The following MAP7 variants were observed in gnomAD, a reference collection of about 807,000 sequenced individuals.
MAP7 encodes the protein ensconsin.
Under a neutral mutation model 94.8 loss-of-function variants are expected in MAP7, and 52 were observed. The observed-to-expected ratio is 0.55, with a 90% CI of 0.44 to 0.69. The LOEUF (loss-of-function observed/expected upper bound fraction) is 0.69, where lower values mean the gene tolerates loss of function less well. Among genes scored for constraint, MAP7 ranks in the 30% least tolerant of loss-of-function variants. The pLI is 0.00. For synonymous variants in MAP7, 350 were observed against 357.0 expected (o/e 0.98, Z 0.22); for missense variants, 940 against 964.6 (o/e 0.97, Z 0.34).
chr6:136,451,162 C>A (rs751303588), intron 1 of MAP7, among the ~76,000 whole-genome samples: 33 of 152,314 alleles, frequency 2.2e-4, no homozygotes, highest in Middle Eastern at 3.4e-3. Flanking sequence ...ATCTGCGCAA[C>A]AAACCTTACC....
intron 16 of MAP7, among the ~76,000 whole-genome samples, chr6:136,351,576 C>T (rs753047244): frequency 1.3e-5 from 2 of 152,196 alleles, no homozygotes; most frequent in Non-Finnish European, 2.9e-5. Flanking sequence ...AAAGGTAAAA[C>T]TAGGGATCCA....
intron 1 of MAP7, among the ~76,000 whole-genome samples, chr6:136,509,432 T>C (rs1193295742): frequency 2.0e-5 from 3 of 152,202 alleles, no homozygotes; most frequent in African/African-American, 7.2e-5. Flanking sequence ...TTAAGTTTTT[T>C]TGTAAAGATG....
chr6:136,508,170 C>A (rs185610063), intron 1 of MAP7, among the ~76,000 whole-genome samples: 1 of 151,744 alleles, frequency 6.6e-6, no homozygotes, highest in African/African-American at 2.4e-5. Flanking sequence ...TGCAAAGACA[C>A]GAAAATTAGC....
At chr6:136,365,594 A>T in intron 10 of MAP7, 141 bp downstream of exon 10, 1 of 827,740 alleles carries the variant, frequency 1.2e-6, no homozygotes, top group Non-Finnish European at 1.8e-6. Flanking sequence ...TATTATACTT[A>T]AGGAAAGGTA....
intron 1 of MAP7, among the ~76,000 whole-genome samples, chr6:136,476,968 C>A (rs1488470662): frequency 6.6e-6 from 1 of 152,168 alleles, no homozygotes; most frequent in African/African-American, 2.4e-5. Flanking sequence ...CACTATTTGG[C>A]AACCAATACA....
chr6:136,390,553 T>G (rs1780409957), intron 3 of MAP7, among the ~76,000 whole-genome samples: 1 of 152,124 alleles, frequency 6.6e-6, no homozygotes, highest in African/African-American at 2.4e-5. Context: ...CTCGGGAGGC[T>G]GAGGTGCAAG....
In MAP7 at chr6:136,479,970, T is replaced by C. The variant is rs139103074; in HGVS notation, c.68-58171A>G. Among the ~76,000 whole-genome samples the C allele has an allele frequency of 3.5e-3, 530 of 152,278 alleles. 8 individuals are homozygous for C. The highest frequency in any genetic ancestry group is 7.3e-3 in the East Asian group (38 of 5,190). ...AATTCCTATCAAAATACCAATGACA[T>C]TCTTCACAGAAATAGAAAAACAATC... On this transcript the variant is annotated intron_variant, in intron 1 of 17. Coordinates refer to ENST00000354570, the MANE Select transcript of MAP7 (RefSeq NM_003980.6).
At chr6:136,501,036 TTATG>T (rs1202772995) in intron 1 of MAP7, among the ~76,000 whole-genome samples, 1 of 152,238 alleles carries the variant, frequency 6.6e-6, no homozygotes, top group Non-Finnish European at 1.5e-5. Context: ...AATGTAAATT[TTATG>T]TTTTACAAAC....
rs1306014866 is a variant in MAP7, at chr6:136,343,488, T to C, written c.*740A>G. The C allele has an allele frequency of 6.6e-6, 1 of 152,640 alleles. No homozygotes were observed. The highest frequency in any genetic ancestry group is 6.5e-5 in the Admixed American group (1 of 15,286). The allele number at this position is 152,640 out of a possible 1,614,324, so 9.5% of individuals were successfully genotyped here. ...AAGGAATGCAGCTAACAAATTAAAT[T>C]TGTAATGTTGTCACATTATTCTAAT... On this transcript the variant is annotated 3_prime_UTR_variant, in exon 18 of 18. Transcript: ENST00000354570.
intron 8 of MAP7, among the ~76,000 whole-genome samples, chr6:136,371,282 C>T (rs1774421638): frequency 6.6e-6 from 1 of 152,170 alleles, no homozygotes; most frequent in South Asian, 2.1e-4. Context: ...ATGGTAAATG[C>T]TCTTTTCCCC....
intron 1 of MAP7, among the ~76,000 whole-genome samples, chr6:136,515,854 A>T (rs1010470802): frequency 1.3e-5 from 2 of 152,218 alleles, no homozygotes; most frequent in Non-Finnish European, 2.9e-5. Context: ...AAGTAGGCAC[A>T]TGCTATTGGA....
At chr6:136,480,191 A>G (rs775058223) in intron 1 of MAP7, among the ~76,000 whole-genome samples, 9 of 152,234 alleles carry the variant, frequency 5.9e-5, no homozygotes, top group Non-Finnish European at 1.3e-4. Context: ...ATGAATCCAT[A>G]CATCTACAGT....
chr6:136,410,254 C>A (rs954434879), intron 3 of MAP7, among the ~76,000 whole-genome samples: 1 of 152,120 alleles, frequency 6.6e-6, no homozygotes, highest in African/African-American at 2.4e-5. Flanking sequence ...AAGTGTGAGA[C>A]CTGATGGGGA....
At chr6:136,500,875 T>C (rs1269706939) in intron 1 of MAP7, among the ~76,000 whole-genome samples, 1 of 152,124 alleles carries the variant, frequency 6.6e-6, no homozygotes, top group African/African-American at 2.4e-5. Flanking sequence ...TGAAGAAAAA[T>C]CTTTTACAGT....
chr6:136,402,487 CCTTCCCA>C (rs1784365077), intron 3 of MAP7, among the ~76,000 whole-genome samples: 2 of 152,176 alleles, frequency 1.3e-5, no homozygotes, highest in Non-Finnish European at 2.9e-5. Context: ...CACAGAGGGT[CCTTCCCA>C]TTTCACCCTG....
In MAP7 at chr6:136,449,355, T is replaced by C. The variant is rs544611455; in HGVS notation, c.68-27556A>G. Among the ~76,000 whole-genome samples, 533 of 152,268 alleles carry C rather than the reference T, an allele frequency of 3.5e-3. 3 individuals carry two copies. Among genetic ancestry groups the C allele is most frequent in the African/African-American group, 0.012 (512 of 41,572 alleles). On this transcript the variant is annotated intron_variant, in intron 1 of 17. Coordinates refer to ENST00000354570, the MANE Select transcript of MAP7 (RefSeq NM_003980.6). ...AAACAAAAATGTAAGGCAATTTAAA[T>C]TTAACAGAGTTTAACTGAGCAAAGA...
chr6:136,417,158 A>C (rs1789757087), intron 2 of MAP7, among the ~76,000 whole-genome samples: 1 of 152,152 alleles, frequency 6.6e-6, no homozygotes, highest in African/African-American at 2.4e-5. Context: ...ATTGTTTCCC[A>C]ATGGATCTAA....
intron 8 of MAP7, among the ~76,000 whole-genome samples, chr6:136,372,271 C>T (rs1015812775): frequency 1.3e-5 from 2 of 152,216 alleles, no homozygotes; most frequent in African/African-American, 4.8e-5. Context: ...CAAAGAACAG[C>T]TTTCATCTTC....
intron 3 of MAP7, among the ~76,000 whole-genome samples, chr6:136,404,141 C>G (rs1009206412): frequency 6.6e-6 from 1 of 152,084 alleles, no homozygotes; most frequent in African/African-American, 2.4e-5. Flanking sequence ...AGTATGAAAT[C>G]AGGGGGAGTT....
Sources: allele counts gnomAD v4.1 joint callset (sites outside exome capture counted in the v4.1 genomes callset), GRCh38; gene constraint gnomAD v4.1.1; transcripts MANE v1.5; gene names NCBI Gene and HGNC (gene_info 2026-07-23, HGNC 2026-07-21).